PHKB: variants seen among roughly 807,000 people sequenced by gnomAD.
PHKB encodes phosphorylase b kinase regulatory subunit beta.
In PHKB, 122 loss-of-function variants were observed where a neutral mutation model predicts 152.1. The observed-to-expected ratio is 0.80, with a 90% CI of 0.69 to 0.93. The LOEUF (loss-of-function observed/expected upper bound fraction) is 0.93, where lower values mean the gene tolerates loss of function less well. Among genes scored for constraint, PHKB ranks in the 40% least tolerant of loss-of-function variants. The pLI is 0.00. For synonymous variants in PHKB, 436 were observed against 464.9 expected (o/e 0.94, Z 0.80); for missense variants, 1,304 against 1,328.4 (o/e 0.98, Z 0.29).
At chr16:47,696,037 A>G (rs1974141313) in intron 28 of PHKB, among the ~76,000 whole-genome samples, 2 of 152,254 alleles carry the variant, frequency 1.3e-5, no homozygotes, top group South Asian at 4.1e-4. Context: ...GACAGCAAGC[A>G]TAACTTCTCG....
At chr16:47,652,608 C>T (rs1177574421) in intron 20 of PHKB, among the ~76,000 whole-genome samples, 4 of 151,778 alleles carry the variant, frequency 2.6e-5, no homozygotes, top group African/African-American at 9.7e-5. Context: ...GATGGTATCT[C>T]GTTGTGGGTT....
At chr16:47,656,950 C>G (rs539094401) in intron 20 of PHKB, among the ~76,000 whole-genome samples, 1 of 152,122 alleles carries the variant, frequency 6.6e-6, no homozygotes, top group African/African-American at 2.4e-5. Flanking sequence ...GATTTTTCCC[C>G]TCATGCTATG....
intron 10 of PHKB, 66 bp downstream of exon 10, chr16:47,589,168 AC>A: frequency 8.2e-7 from 1 of 1,224,626 alleles, no homozygotes; most frequent in Non-Finnish European, 1.2e-6. Flanking sequence ...CAGGAGACTG[AC>A]CATTGGGTTT....
intron 7 of PHKB, among the ~76,000 whole-genome samples, chr16:47,574,762 G>A (rs1401802817): frequency 6.6e-6 from 1 of 152,122 alleles, no homozygotes; most frequent in Non-Finnish European, 1.5e-5. Context: ...CATTCATGAG[G>A]ATCCTGACAC....
At chr16:47,681,880 T>A (rs1236195009) in intron 26 of PHKB, among the ~76,000 whole-genome samples, 1 of 152,200 alleles carries the variant, frequency 6.6e-6, no homozygotes, top group Admixed American at 6.5e-5. Context: ...GGTCTTTACA[T>A]TTTGGCATGT....
intron 16 of PHKB, among the ~76,000 whole-genome samples, chr16:47,641,912 T>G (rs940151981): frequency 1.4e-4 from 21 of 152,238 alleles, no homozygotes; most frequent in Admixed American, 6.5e-4. Context: ...TGTGTGTACG[T>G]TATGTTTATA....
chr16:47,549,106 A>C (rs1266213044), intron 7 of PHKB, among the ~76,000 whole-genome samples: 1 of 152,216 alleles, frequency 6.6e-6, no homozygotes, highest in African/African-American at 2.4e-5. Context: ...TAGAGGAATA[A>C]TTTGTGGTAA....
In PHKB at chr16:47,479,146, C is replaced by T. The variant is rs543604050; in HGVS notation, c.76+17720C>T. Among the ~76,000 whole-genome samples, 11 of 152,154 alleles carry T rather than the reference C, an allele frequency of 7.2e-5. No individual in the cohort carries two copies. In the East Asian group the frequency reaches 1.2e-3, roughly 16 times the overall value. The stretch of plus-strand genomic sequence containing the variant: ...GGGGAGTTAGGGGAAAGTACTTATA[C>T]GGTTTTAGGGCCGAGGCTGGATGAT... On this transcript the variant is annotated intron_variant, in intron 1 of 30. Coordinates refer to ENST00000323584, the MANE Select transcript of PHKB (RefSeq NM_000293.3).
chr16:47,489,520 A>G (rs1970109720), intron 1 of PHKB, among the ~76,000 whole-genome samples: 2 of 152,312 alleles, frequency 1.3e-5, no homozygotes, highest in South Asian at 2.1e-4. Flanking sequence ...TTTCGATGGA[A>G]CTCTGTTCCA....
chr16:47,504,473 A>G (rs1481739948), intron 4 of PHKB, among the ~76,000 whole-genome samples: 1 of 152,194 alleles, frequency 6.6e-6, no homozygotes, highest in Non-Finnish European at 1.5e-5. Flanking sequence ...GTGAGAGAAT[A>G]GTGGAAACCC....
intron 1 of PHKB, among the ~76,000 whole-genome samples, chr16:47,470,172 A>T (rs2151627636): frequency 6.6e-6 from 1 of 152,332 alleles, no homozygotes; most frequent in South Asian, 2.1e-4. Context: ...CAGGGGTCTC[A>T]CAGCCTTCAG....
intron 1 of PHKB, among the ~76,000 whole-genome samples, chr16:47,474,511 A>T (rs1969835030): frequency 6.6e-6 from 1 of 152,170 alleles, no homozygotes; most frequent in South Asian, 2.1e-4. Flanking sequence ...CTTAACTTGT[A>T]TTCTTTATTA....
chr16:47,628,360 G>A (rs1462943190), intron 14 of PHKB, among the ~76,000 whole-genome samples: 6 of 151,996 alleles, frequency 3.9e-5, no homozygotes, highest in South Asian at 2.1e-4. Context: ...GCAAAACCCC[G>A]TCTCTACTAA....
At chr16:47,692,477 A>G (rs1597186245) in intron 27 of PHKB, among the ~76,000 whole-genome samples, 1 of 151,956 alleles carries the variant, frequency 6.6e-6, no homozygotes, top group East Asian at 1.9e-4. Context: ...TTAACCAGAC[A>G]TGGTAGTGCA....
chr16:47,513,633 C>A (rs1414740191), intron 5 of PHKB, among the ~76,000 whole-genome samples: 1 of 152,154 alleles, frequency 6.6e-6, no homozygotes, highest in Non-Finnish European at 1.5e-5. Flanking sequence ...TAATTTTCTG[C>A]CCCAATTTCC....
intron 6 of PHKB, among the ~76,000 whole-genome samples, chr16:47,518,760 A>T (rs555573054): frequency 1.2e-4 from 19 of 152,270 alleles, no homozygotes; most frequent in African/African-American, 4.6e-4. Context: ...AACTCATCAT[A>T]TATGTTAAAC....
At chr16:47,480,162 G>A (rs922458656) in intron 1 of PHKB, among the ~76,000 whole-genome samples, 1 of 152,162 alleles carries the variant, frequency 6.6e-6, no homozygotes, top group Non-Finnish European at 1.5e-5. Flanking sequence ...GCTTCAGGAT[G>A]TAATGACTGC....
rs559903445 is a variant in PHKB at position 47,519,440 on chromosome 16, G to T, written c.594+3839G>T. Among the ~76,000 whole-genome samples the T allele has an allele frequency of 7.2e-5, 11 of 152,300 alleles. No homozygotes were observed. The East Asian group carries it at 2.1e-3, about 29-fold the overall frequency. ...GAAGCTGCACTTAAGATGTCAGCTG[G>T]CTCTGCACTCATCTGAAGGGTTTAC... On this transcript the variant is annotated intron_variant, in intron 6 of 30. Coordinates refer to ENST00000323584, the MANE Select transcript of PHKB (RefSeq NM_000293.3).
At chr16:47,611,793 G>A (rs1972433460) in intron 14 of PHKB, among the ~76,000 whole-genome samples, 1 of 152,120 alleles carries the variant, frequency 6.6e-6, no homozygotes, top group Non-Finnish European at 1.5e-5. Context: ...AACAAAACAT[G>A]TAATGACTCT....
Sources: gnomAD v4.1 joint callset for allele counts (sites outside exome capture counted in the v4.1 genomes callset) on GRCh38, gnomAD v4.1.1 for gene constraint, MANE v1.5 for transcripts, NCBI Gene and HGNC (gene_info 2026-07-23, HGNC 2026-07-21) for gene names.